The following ITFG1 variants were observed in gnomAD, a reference collection of about 807,000 sequenced individuals.
The protein encoded by ITFG1 is integrin alpha FG-GAP repeat containing 1.
ITFG1 carries 34 observed loss-of-function variants against 81.8 expected under a neutral mutation model. That is an observed-to-expected ratio of 0.42 (90% CI 0.32 to 0.55). ITFG1 has a LOEUF of 0.55. ITFG1 is among the 20% of genes least tolerant of loss of function. The probability of loss-of-function intolerance (pLI) is 0.17; values close to 1 mark genes in which losing one functional copy is unlikely to be tolerated. For synonymous variants in ITFG1, 285 were observed against 270.6 expected, an observed-to-expected ratio of 1.05 and a Z score of -0.52; for missense variants, 672 against 755.4, an observed-to-expected ratio of 0.89 and a Z score of 1.29.
At chr16:47,160,280 T>C (rs1964783018) in intron 16 of ITFG1, among the ~76,000 whole-genome samples, 1 of 151,914 alleles carries the variant, frequency 6.6e-6, no homozygotes, top group Non-Finnish European at 1.5e-5. Context: ...CTTTCAGAGA[T>C]ATTTTATACA....
chr16:47,454,200 T>C (rs374662672), intron 2 of ITFG1, 42 bp from the exon 3 acceptor site: 18 of 1,495,620 alleles, frequency 1.2e-5, no homozygotes, highest in Admixed American at 1.9e-5. Context: ...CAAGTTGTAA[T>C]GGAAAAGGAC....
chr16:47,306,602 CAA>C (rs1265470396), intron 10 of ITFG1, among the ~76,000 whole-genome samples: 1 of 150,230 alleles, frequency 6.7e-6, no homozygotes, highest in African/African-American at 2.5e-5. Context: ...TAATAGAAAA[CAA>C]GAGTAAACTT....
chr16:47,220,392 C>T (rs377138716), intron 13 of ITFG1, among the ~76,000 whole-genome samples: 7 of 152,334 alleles, frequency 4.6e-5, no homozygotes, highest in African/African-American at 9.6e-5. Flanking sequence ...CACCAAACAA[C>T]GGATATTCCG....
chr16:47,273,053 AG>A (rs1431613229), intron 10 of ITFG1, among the ~76,000 whole-genome samples: 1 of 151,662 alleles, frequency 6.6e-6, no homozygotes, highest in Non-Finnish European at 1.5e-5. Flanking sequence ...CTTCTCATTA[AG>A]AGAGGTAGCT....
intron 5 of ITFG1, among the ~76,000 whole-genome samples, chr16:47,439,792 A>G (rs963885898): frequency 2.6e-5 from 4 of 152,222 alleles, no homozygotes; most frequent in African/African-American, 9.6e-5. Flanking sequence ...GAGCAAAATA[A>G]CCAGCTAACA....
upstream of ITFG1, chr16:47,461,161 C>CCGAG: frequency 9.0e-7 from 1 of 1,112,214 alleles, no homozygotes. Flanking sequence ...AGAGCCGCTG[C>CCGAG]CGGCTCCTTT....
intron 13 of ITFG1, among the ~76,000 whole-genome samples, chr16:47,229,244 C>T (rs1400742090): frequency 1.3e-5 from 2 of 151,868 alleles, no homozygotes; most frequent in African/African-American, 2.4e-5. Flanking sequence ...CTATGTCAAA[C>T]GGAAGCCAGG....
rs868294363 is a variant in ITFG1 at position 47,181,583 on chromosome 16, C to T, written c.1454-18919G>A. Among the ~76,000 whole-genome samples the T allele has an allele frequency of 1.8e-3, 266 of 150,732 alleles. 4 individuals are homozygous for T. Among genetic ancestry groups the T allele is most frequent in the African/African-American group, 6.1e-3 (250 of 41,034 alleles). On this transcript the variant is annotated intron_variant, in intron 14 of 17. Coordinates refer to ENST00000320640, the MANE Select transcript of ITFG1 (RefSeq NM_030790.5). ...GGGTCAGCCCCCCCGCCCGGCCAGCCGCCCCGTCCAGGAGGGAGGTGAGGG... is the reference window on the plus strand; with the variant it reads ...GGGTCAGCCCCCCCGCCCGGCCAGCTGCCCCGTCCAGGAGGGAGGTGAGGG...
chr16:47,395,871 CG>C (rs1347069354), intron 6 of ITFG1, among the ~76,000 whole-genome samples: 1 of 152,168 alleles, frequency 6.6e-6, no homozygotes, highest in Non-Finnish European at 1.5e-5. Flanking sequence ...TCATGTCTAT[CG>C]TCAGCAGTAT....
intron 10 of ITFG1, among the ~76,000 whole-genome samples, chr16:47,296,772 T>G (rs1192091472): frequency 2.0e-5 from 3 of 152,202 alleles, no homozygotes; most frequent in Non-Finnish European, 2.9e-5. Flanking sequence ...TGGTATTGAT[T>G]TCTAGTTTTA....
In ITFG1 at chr16:47,155,757, G is replaced by A. The variant is rs1433259417; in HGVS notation, c.1801C>T (p.Arg601Ter). 2 of 1,602,694 alleles carry A rather than the reference G, an allele frequency of 1.2e-6. No homozygotes were observed. Among genetic ancestry groups the A allele is most frequent in the Non-Finnish European group, 1.7e-6 (2 of 1,173,810 alleles). The stretch of plus-strand genomic sequence containing the variant: ...AAATGAAACCGGTGGGCTTCTTGTC[G>A]TTTTTCTCTATCATCTGCTTTCTGA... The part of the protein sequence containing the change: ...QEKKADDREK[R>*]QEAHRFHFDA... Residue 601 changes from arginine to a stop codon, truncating the protein, a stop_gained, in exon 18 of 18, where the codon CGA (arginine) becomes TGA (stop). Coordinates refer to ENST00000320640, the MANE Select transcript of ITFG1 (RefSeq NM_030790.5). LOFTEE classifies it high-confidence loss of function.
chr16:47,155,798 T>C lies in ITFG1; in HGVS notation c.1780-20A>G. 1 of 1,567,536 alleles carries C rather than the reference T, an allele frequency of 6.4e-7. No individual in the cohort carries two copies. The highest frequency in any genetic ancestry group is 1.4e-5 in the African/African-American group (1 of 73,828). ...TGCTTTCTGAAAAAGAATTTTAGAC[T>C]CGTTTATAAATGGTAGAAAGATGTT... is the stretch of plus-strand genomic sequence containing the variant. On this transcript the variant is annotated intron_variant, in intron 17 of 17. Transcript: ENST00000320640.
rs371460774 is a variant in ITFG1, at chr16:47,255,977, T to A, written c.1330+2655A>T. ...TAAAATAACTGATTTTATTTTATTT[T>A]TTTATTTTTTTTTTTGAGACAGAGC... On this transcript the variant is annotated intron_variant, in intron 12 of 17. Coordinates refer to ENST00000320640, the MANE Select transcript of ITFG1 (RefSeq NM_030790.5). Among the ~76,000 whole-genome samples, 96 of 152,252 alleles carry A rather than the reference T, an allele frequency of 6.3e-4. 1 individual carries two copies. The South Asian group carries it at 0.018, about 29-fold the overall frequency.
chr16:47,445,106 T>A (rs1218385891), intron 5 of ITFG1, among the ~76,000 whole-genome samples: 8 of 140,296 alleles, frequency 5.7e-5, no homozygotes, highest in Non-Finnish European at 1.2e-4. Flanking sequence ...AAGAGAAATG[T>A]ACATTAAAAA....
intron 14 of ITFG1, among the ~76,000 whole-genome samples, chr16:47,167,711 C>T (rs901593297): frequency 6.6e-6 from 1 of 152,162 alleles, no homozygotes; most frequent in Non-Finnish European, 1.5e-5. Flanking sequence ...TCACACAAAG[C>T]GTGTTTGGTG....
intron 10 of ITFG1, among the ~76,000 whole-genome samples, chr16:47,293,445 A>T (rs1966938304): frequency 6.6e-6 from 1 of 151,932 alleles, no homozygotes; most frequent in African/African-American, 2.4e-5. Context: ...ATTTCTATAC[A>T]GGTGTACTAA....
At chr16:47,335,856 C>T (rs180959468) in intron 8 of ITFG1, among the ~76,000 whole-genome samples, 64 of 152,214 alleles carry the variant, frequency 4.2e-4, no homozygotes, top group African/African-American at 1.5e-3. Context: ...TATTTCCACT[C>T]CTAGGTATTA....
chr16:47,324,000 G>A (rs1467153491), intron 8 of ITFG1, among the ~76,000 whole-genome samples: 2 of 151,990 alleles, frequency 1.3e-5, no homozygotes, highest in Admixed American at 1.3e-4. Context: ...AATCATTTTA[G>A]CTTTTCTTAC....
chr16:47,159,039 TAAC>T (rs766673406), intron 16 of ITFG1, 49 bp from the exon 17 acceptor site: 10 of 1,052,754 alleles, frequency 9.5e-6, no homozygotes, highest in South Asian at 5.1e-5. Context: ...TATTTAAAAA[TAAC>T]AAAGTTATAT....
Sources: allele counts gnomAD v4.1 joint callset (sites outside exome capture counted in the v4.1 genomes callset), GRCh38; gene constraint gnomAD v4.1.1; transcripts MANE v1.5; gene names NCBI Gene and HGNC (gene_info 2026-07-23, HGNC 2026-07-21).